MAF: variants seen among roughly 807,000 people sequenced by gnomAD.
MAF encodes the protein transcription factor Maf.
A neutral mutation model predicts 22.0 loss-of-function variants in MAF; 10 were observed. The ratio of observed to expected loss-of-function variants is 0.45; its 90% CI spans 0.28 to 0.77. The LOEUF (loss-of-function observed/expected upper bound fraction) is 0.77, where lower values mean the gene tolerates loss of function less well. Ranked by LOEUF, MAF falls within the 30% of genes least tolerant of loss-of-function variation. The pLI is 0.12. For missense variants in MAF, 544 were observed against 548.4 expected (o/e 0.99, Z 0.08); for synonymous variants, 337 against 255.8 (o/e 1.32, Z -3.03).
the MAF span, among the ~76,000 whole-genome samples, chr16:79,221,715 A>G: frequency 4.6e-5 from 7 of 151,626 alleles, no homozygotes; most frequent in East Asian, 1.9e-4. Context: ...GTGATTGTGT[A>G]TGTGTGTGTG....
the MAF span, among the ~76,000 whole-genome samples, chr16:79,404,169 T>C: frequency 6.7e-6 from 1 of 150,292 alleles, no homozygotes. Flanking sequence ...ATTTTCTTTT[T>C]TTTTTTTTTT....
At chr16:79,506,187 A>C in the MAF span, among the ~76,000 whole-genome samples, 1 of 152,136 alleles carries the variant, frequency 6.6e-6, no homozygotes, top group Non-Finnish European at 1.5e-5. Context: ...TCAACTGAAT[A>C]TTTACTCTGT....
the MAF span, among the ~76,000 whole-genome samples, chr16:79,562,352 T>C: frequency 6.6e-6 from 1 of 152,198 alleles, no homozygotes; most frequent in Non-Finnish European, 1.5e-5. Context: ...CCTTAAACAA[T>C]AGTTTCTTCA....
At chr16:79,457,242 G>A in the MAF span, among the ~76,000 whole-genome samples, 1 of 152,150 alleles carries the variant, frequency 6.6e-6, no homozygotes, top group Non-Finnish European at 1.5e-5. Context: ...TTTCACCATA[G>A]GTTGACATGG....
At chr16:79,293,211 G>C in the MAF span, among the ~76,000 whole-genome samples, 1 of 152,038 alleles carries the variant, frequency 6.6e-6, no homozygotes, top group Admixed American at 6.6e-5. Flanking sequence ...ATTCCTTTCT[G>C]GTAACAACAC....
chr16:79,584,706 T>C (rs1185800212), downstream of MAF, among the ~76,000 whole-genome samples: 1 of 151,852 alleles, frequency 6.6e-6, no homozygotes, highest in African/African-American at 2.4e-5. Context: ...ATGCACAGAC[T>C]CAGACACACA....
At chr16:79,404,547 A>G in the MAF span, among the ~76,000 whole-genome samples, 1 of 152,140 alleles carries the variant, frequency 6.6e-6, no homozygotes, top group Admixed American at 6.5e-5. Context: ...GTGTCCTGAG[A>G]CCTGCACTTT....
chr16:79,242,213 C>G, the MAF span, among the ~76,000 whole-genome samples: 38 of 151,746 alleles, frequency 2.5e-4, no homozygotes, highest in African/African-American at 9.2e-4. Flanking sequence ...TGTAAACAGG[C>G]TAAATGCCCC....
chr16:79,486,632 G>A, the MAF span, among the ~76,000 whole-genome samples: 1 of 152,208 alleles, frequency 6.6e-6, no homozygotes, highest in Non-Finnish European at 1.5e-5. Context: ...TATCTTTAGA[G>A]CAGGACTTAC....
the MAF span, chr16:79,202,753 A>G: frequency 3.3e-5 from 5 of 152,246 alleles, no homozygotes; most frequent in African/African-American, 1.2e-4. Context: ...GAATAGCAGC[A>G]TGCATAGCTT....
At chr16:79,497,302 T>C in the MAF span, among the ~76,000 whole-genome samples, 1 of 152,168 alleles carries the variant, frequency 6.6e-6, no homozygotes, top group Admixed American at 6.5e-5. Flanking sequence ...CAGGTACTAG[T>C]CTCCCCTTAG....
the MAF span, among the ~76,000 whole-genome samples, chr16:79,289,481 T>G: frequency 6.6e-6 from 1 of 152,090 alleles, no homozygotes; most frequent in African/African-American, 2.4e-5. Flanking sequence ...AGCAGGTTTT[T>G]GGGGTTGGGA....
the MAF span, among the ~76,000 whole-genome samples, chr16:79,321,132 T>C: frequency 6.6e-6 from 1 of 152,244 alleles, no homozygotes; most frequent in East Asian, 1.9e-4. Flanking sequence ...TGCCAATCAC[T>C]GTGTTGGCAG....
chr16:79,433,275 AAAATAT>A, the MAF span, among the ~76,000 whole-genome samples: 3 of 138,790 alleles, frequency 2.2e-5, no homozygotes, highest in East Asian at 2.0e-4. Flanking sequence ...AGTAAAAAAA[AAAATAT>A]ATATATATAT....
the MAF span, among the ~76,000 whole-genome samples, chr16:79,382,410 G>T: frequency 2.0e-5 from 3 of 152,252 alleles, no homozygotes; most frequent in East Asian, 3.9e-4. Context: ...TTCCTATCTG[G>T]GCTGTCCAGT....
At chr16:79,475,960 G>T in the MAF span, among the ~76,000 whole-genome samples, 8 of 152,236 alleles carry the variant, frequency 5.3e-5, no homozygotes, top group Non-Finnish European at 7.4e-5. Context: ...AGATAGAAAA[G>T]GTGCAGGGAT....
At chr16:79,265,753 T>C in the MAF span, among the ~76,000 whole-genome samples, 1 of 152,198 alleles carries the variant, frequency 6.6e-6, no homozygotes, top group Non-Finnish European at 1.5e-5. Context: ...ACTTTCACCT[T>C]TTCCCCTAAA....
At chr16:79,596,653 T>C in intron 1 of MAF, 2 of 1,038,098 alleles carry the variant, frequency 1.9e-6, no homozygotes, top group Non-Finnish European at 2.3e-6. Context: ...GATTTTTTTA[T>C]ATTTATTGTG....
At chr16:79,598,124 A>G (rs1913672852) in intron 1 of MAF, 1 of 1,046,888 alleles carries the variant, frequency 9.6e-7, no homozygotes, top group Non-Finnish European at 1.2e-6. Flanking sequence ...TTGCAAGCTC[A>G]ATCTCACATG....
Sources: allele counts gnomAD v4.1 joint callset (sites outside exome capture counted in the v4.1 genomes callset), GRCh38; gene constraint gnomAD v4.1.1; transcripts MANE v1.5; gene names NCBI Gene and HGNC (gene_info 2026-07-23, HGNC 2026-07-21).